CADPS2: variants seen among roughly 807,000 people sequenced by gnomAD.
CADPS2 encodes the protein calcium-dependent secretion activator 2.
In CADPS2, 93 loss-of-function variants were observed where a neutral mutation model predicts 172.5. The ratio of observed to expected loss-of-function variants is 0.54; its 90% CI spans 0.46 to 0.64. The LOEUF is 0.64. Ranked by LOEUF, CADPS2 falls within the 30% of genes least tolerant of loss-of-function variation. The pLI is 0.00. For missense variants in CADPS2, 1,420 were observed against 1,565.9 expected (o/e 0.91, Z 1.57); for synonymous variants, 546 against 555.2 (o/e 0.98, Z 0.23).
chr7:122,335,469 G>C (rs918979618), intron 28 of CADPS2, among the ~76,000 whole-genome samples: 3 of 152,090 alleles, frequency 2.0e-5, no homozygotes, highest in Non-Finnish European at 4.4e-5. Flanking sequence ...TTCACATGTT[G>C]GCCAGGCTGG....
intron 2 of CADPS2, chr7:122,676,866 C>T: frequency 4.0e-6 from 2 of 494,406 alleles, no homozygotes; most frequent in South Asian, 7.4e-5. Context: ...ACTTTGTGTG[C>T]CCAAAGCCAG....
chr7:122,640,332 T>C (rs1400708769), intron 3 of CADPS2, among the ~76,000 whole-genome samples: 1 of 151,324 alleles, frequency 6.6e-6, no homozygotes, highest in Non-Finnish European at 1.5e-5. Context: ...TGTGTGTACA[T>C]TACAGTGTTT....
chr7:122,423,675 A>G (rs2048804818), intron 17 of CADPS2, among the ~76,000 whole-genome samples: 1 of 152,208 alleles, frequency 6.6e-6, no homozygotes, highest in African/African-American at 2.4e-5. Context: ...TTCATCAATG[A>G]ATGGAGTACC....
chr7:122,466,558 G>T (rs1278733732), intron 14 of CADPS2, among the ~76,000 whole-genome samples: 2 of 152,130 alleles, frequency 1.3e-5, no homozygotes, highest in African/African-American at 4.8e-5. Flanking sequence ...ATTGAAACCT[G>T]TTTGTGGTAT....
At chr7:122,872,138 G>A (rs1819919674) in intron 1 of CADPS2, among the ~76,000 whole-genome samples, 1 of 151,942 alleles carries the variant, frequency 6.6e-6, no homozygotes. Flanking sequence ...GATCTGTGGT[G>A]GATTAATCTG....
chr7:122,782,980 T>A (rs2139439890), intron 1 of CADPS2, among the ~76,000 whole-genome samples: 1 of 152,214 alleles, frequency 6.6e-6, no homozygotes, highest in African/African-American at 2.4e-5. Context: ...AACGTTCTTA[T>A]AAACTCACTA....
At chr7:122,443,783 T>C (rs2051726099) in intron 15 of CADPS2, among the ~76,000 whole-genome samples, 1 of 151,456 alleles carries the variant, frequency 6.6e-6, no homozygotes, top group Non-Finnish European at 1.5e-5. Context: ...CTTTATATCC[T>C]TCAATTGTAC....
At chr7:122,877,431 G>C (rs1821484618) in intron 1 of CADPS2, among the ~76,000 whole-genome samples, 1 of 151,992 alleles carries the variant, frequency 6.6e-6, no homozygotes, top group African/African-American at 2.4e-5. Flanking sequence ...AAACAAAAGA[G>C]GTATAGCTAT....
At chr7:122,704,538 T>G (rs950931475) in intron 2 of CADPS2, among the ~76,000 whole-genome samples, 1 of 134,096 alleles carries the variant, frequency 7.5e-6, no homozygotes, top group African/African-American at 2.6e-5. Context: ...ATTTTGCAGA[T>G]TTTTTGTGGG....
At chr7:122,502,140 A>T (rs1241654034) in intron 9 of CADPS2, among the ~76,000 whole-genome samples, 3 of 152,114 alleles carry the variant, frequency 2.0e-5, no homozygotes, top group Non-Finnish European at 4.4e-5. Flanking sequence ...AATAGCAAAT[A>T]ATTCAAGGTA....
intron 28 of CADPS2, among the ~76,000 whole-genome samples, chr7:122,340,142 T>C (rs1273825861): frequency 6.6e-6 from 1 of 152,166 alleles, no homozygotes; most frequent in Non-Finnish European, 1.5e-5. Context: ...TCCTGGGAAA[T>C]TAAGCCTTTA....
intron 1 of CADPS2, among the ~76,000 whole-genome samples, chr7:122,783,045 T>G (rs1244687068): frequency 1.3e-5 from 2 of 151,972 alleles, no homozygotes; most frequent in African/African-American, 4.8e-5. Flanking sequence ...TCCCCATTGC[T>G]ACTAAAAATA....
intron 2 of CADPS2, among the ~76,000 whole-genome samples, chr7:122,718,607 G>A (rs773610081): frequency 6.6e-6 from 1 of 152,100 alleles, no homozygotes; most frequent in African/African-American, 2.4e-5. Flanking sequence ...TCTAGTGAGT[G>A]TAACAAAGCT....
At chr7:122,761,634 C>T (rs12706443) in intron 1 of CADPS2, among the ~76,000 whole-genome samples, 33,553 of 151,592 alleles carry the variant, frequency 0.22, 4,012 homozygotes, top group Middle Eastern at 0.31. Flanking sequence ...AAATAAAATA[C>T]ACAACAGGAA....
chr7:122,523,453 T>C (rs1186570736), intron 8 of CADPS2, among the ~76,000 whole-genome samples: 3 of 152,146 alleles, frequency 2.0e-5, no homozygotes, highest in Non-Finnish European at 2.9e-5. Context: ...CATTCTTTTA[T>C]ATCTCAATTA....
chr7:122,885,661 G>A (rs1824151505), intron 1 of CADPS2, among the ~76,000 whole-genome samples: 2 of 152,094 alleles, frequency 1.3e-5, no homozygotes, highest in Admixed American at 6.5e-5. Context: ...CAGTGCTGTT[G>A]GAAATTAAAG....
At chr7:122,720,766 A>C (rs939247245) in intron 2 of CADPS2, among the ~76,000 whole-genome samples, 2 of 152,030 alleles carry the variant, frequency 1.3e-5, no homozygotes, top group African/African-American at 4.8e-5. Context: ...CTGAATGTTC[A>C]TAAGATTACT....
intron 1 of CADPS2, among the ~76,000 whole-genome samples, chr7:122,807,687 G>C (rs888705175): frequency 1.3e-5 from 2 of 152,144 alleles, no homozygotes; most frequent in Non-Finnish European, 2.9e-5. Flanking sequence ...TTCTTCTGAG[G>C]CCTCCTCCAC....
At chr7:122,554,763 A>G in intron 7 of CADPS2, 74 bp from the exon 8 acceptor site, 1 of 1,309,958 alleles carries the variant, frequency 7.6e-7, no homozygotes, top group Non-Finnish European at 1.0e-6. Context: ...AATATTTTCT[A>G]TGTTTTCCTG....
Sources: allele counts gnomAD v4.1 joint callset (sites outside exome capture counted in the v4.1 genomes callset), GRCh38; gene constraint gnomAD v4.1.1; transcripts MANE v1.5; gene names NCBI Gene and HGNC (gene_info 2026-07-23, HGNC 2026-07-21).